Variants in PSMA1 observed in about 807,000 individuals in gnomAD.
PSMA1 encodes proteasome subunit alpha type-1.
In PSMA1, 3 loss-of-function variants were observed where a neutral mutation model predicts 38.4. That is an observed-to-expected ratio of 0.08 (90% CI 0.04 to 0.20). PSMA1 has a LOEUF of 0.20. PSMA1 is among the 10% of genes least tolerant of loss of function. The probability of loss-of-function intolerance (pLI) is 1.00; values close to 1 mark genes in which losing one functional copy is unlikely to be tolerated. For missense variants in PSMA1, 227 were observed against 325.3 expected (o/e 0.70, Z 2.32); for synonymous variants, 101 against 107.1 (o/e 0.94, Z 0.35).
intron 2 of PSMA1, among the ~76,000 whole-genome samples, chr11:14,603,317 G>A (rs1852606451): frequency 6.6e-6 from 1 of 152,138 alleles, no homozygotes; most frequent in African/African-American, 2.4e-5. Context: ...ATGAAATTTG[G>A]AACTTTGACT....
intron 2 of PSMA1, among the ~76,000 whole-genome samples, chr11:14,564,625 A>C (rs1852046743): frequency 6.6e-6 from 1 of 152,180 alleles, no homozygotes; most frequent in Non-Finnish European, 1.5e-5. Context: ...CCAAACTGTC[A>C]GAGTGGCTGT....
At chr11:14,508,619 A>G (rs1851290339) in intron 8 of PSMA1, among the ~76,000 whole-genome samples, 1 of 141,312 alleles carries the variant, frequency 7.1e-6, no homozygotes. Context: ...CTATGGGTAG[A>G]AATAGTTTTA....
chr11:14,523,644 G>A (rs1320530703), upstream of PSMA1, among the ~76,000 whole-genome samples: 1 of 147,820 alleles, frequency 6.8e-6, no homozygotes, highest in East Asian at 2.0e-4. Context: ...AGGCTGGAGT[G>A]CAATGGCACA....
chr11:14,586,045 A>T (rs1243265443), intron 2 of PSMA1, among the ~76,000 whole-genome samples: 1 of 152,218 alleles, frequency 6.6e-6, no homozygotes, highest in Non-Finnish European at 1.5e-5. Flanking sequence ...TTTATTATTC[A>T]TGCCTATCCA....
Position 14,584,426 on chromosome 11 carries a change from C to T in PSMA1, c.21+26540G>A, listed in dbSNP as rs115314877. ...GGAAGATACCACATTTAGCCTCTTC[C>T]GGATGGCTCAGAGGCATCAAAATAA... On this transcript the variant is annotated intron_variant, in intron 2 of 10. Coordinates refer to the PSMA1 transcript ENST00000418988. 6.8e-3 allele frequency among the ~76,000 whole-genome samples: 1,034 copies of T among 151,836 alleles called. 9 individuals are homozygous for T. Among genetic ancestry groups the T allele is most frequent in the African/African-American group, 0.024 (993 of 41,328 alleles).
In PSMA1 at chr11:14,507,646, G is replaced by A; in HGVS notation, c.735+10C>T. On this transcript the variant is annotated intron_variant, in intron 9 of 9. Transcript: ENST00000396394. ...ATAGAACTAAAGCCTCTTGTGTTATGATTATATACCTGTGCCTTTCTCTGT... is the reference window on the plus strand; with the variant it reads ...ATAGAACTAAAGCCTCTTGTGTTATAATTATATACCTGTGCCTTTCTCTGT... The A allele has an allele frequency of 6.5e-7, 1 of 1,545,510 alleles. No individual in the cohort carries two copies.
At chr11:14,584,507 G>GTTTTTTTTTTTTTTTT (rs58620375) in intron 2 of PSMA1, among the ~76,000 whole-genome samples, 6 of 124,778 alleles carry the variant, frequency 4.8e-5, no homozygotes, top group Middle Eastern at 4.5e-3. Context: ...TTTGTTTTTT[G>GTTTTTTTTTTTTTTTT]TTTTTTTTTT....
In PSMA1 at chr11:14,519,622, T is replaced by C. The variant is rs1244765237; in HGVS notation, c.4-581A>G. On this transcript the variant is annotated intron_variant, in intron 1 of 9. Transcript: ENST00000396394. ...AAAAATGTCCTCACAAAGTTAGAGG[T>C]GGACACAAATAGCTGCAGCGATAGA... Among the ~76,000 whole-genome samples the C allele has an allele frequency of 2.0e-5, 3 of 152,092 alleles. No individual in the cohort carries two copies. The East Asian group carries it at 5.8e-4, about 29-fold the overall frequency.
At chr11:14,615,705 G>C (rs1852763863) in intron 1 of PSMA1, among the ~76,000 whole-genome samples, 1 of 152,154 alleles carries the variant, frequency 6.6e-6, no homozygotes, top group Non-Finnish European at 1.5e-5. Context: ...TATGCCATCT[G>C]TTTCCTGTCC....
chr11:14,571,967 T>C (rs1038475489), intron 2 of PSMA1, among the ~76,000 whole-genome samples: 1 of 152,146 alleles, frequency 6.6e-6, no homozygotes, highest in Non-Finnish European at 1.5e-5. Flanking sequence ...GAGCTAACTA[T>C]CCTAAATATA....
intron 2 of PSMA1, among the ~76,000 whole-genome samples, chr11:14,572,469 G>T (rs982075690): frequency 2.0e-5 from 3 of 152,184 alleles, no homozygotes; most frequent in Non-Finnish European, 4.4e-5. Flanking sequence ...AAAACAGTGA[G>T]AACAGAGACA....
intron 1 of PSMA1, among the ~76,000 whole-genome samples, chr11:14,641,074 T>A (rs1853193404): frequency 6.6e-6 from 1 of 151,824 alleles, no homozygotes; most frequent in African/African-American, 2.4e-5. Context: ...AGGCACCTAA[T>A]GTAGATGACG....
At chr11:14,611,071 G>A in exon 2 of PSMA1, 4 of 1,408,512 alleles carry the variant, frequency 2.8e-6, no homozygotes, top group Non-Finnish European at 4.0e-6. Flanking sequence ...CCCAGCCTTG[G>A]AGGGCCAAGG....
chr11:14,637,755 G>C (rs1054380826), intron 1 of PSMA1, among the ~76,000 whole-genome samples: 3 of 152,130 alleles, frequency 2.0e-5, no homozygotes, highest in African/African-American at 7.2e-5. Flanking sequence ...ATAGTAATTA[G>C]AACAGAGGCA....
chr11:14,614,613 C>A (rs1852749071), intron 1 of PSMA1, among the ~76,000 whole-genome samples: 1 of 152,110 alleles, frequency 6.6e-6, no homozygotes, highest in East Asian at 1.9e-4. Flanking sequence ...TTAATAGTAC[C>A]ACCATCGATC....
chr11:14,543,421 T>C (rs1183496636), intron 2 of PSMA1, among the ~76,000 whole-genome samples: 2 of 152,186 alleles, frequency 1.3e-5, no homozygotes, highest in Non-Finnish European at 2.9e-5. Flanking sequence ...ATATAACTCA[T>C]ATAACCATAA....
At chr11:14,629,674 CT>C (rs1176027813) in intron 1 of PSMA1, among the ~76,000 whole-genome samples, 1 of 152,106 alleles carries the variant, frequency 6.6e-6, no homozygotes, top group Non-Finnish European at 1.5e-5. Context: ...TCCGTATGAA[CT>C]TTAAAGTAGT....
chr11:14,576,780 C>T (rs61883615), intron 2 of PSMA1, among the ~76,000 whole-genome samples: 7 of 152,068 alleles, frequency 4.6e-5, no homozygotes, highest in East Asian at 1.9e-4. Flanking sequence ...TTTGGTTCCA[C>T]GTGAACTTTA....
At chr11:14,518,733 A>C (rs114796665) in intron 2 of PSMA1, among the ~76,000 whole-genome samples, 2,528 of 152,042 alleles carry the variant, frequency 0.017, 41 homozygotes, top group African/African-American at 0.044. Context: ...TACTCTCTCT[A>C]TATATATATT....
Sources: gnomAD v4.1 joint callset for allele counts (sites outside exome capture counted in the v4.1 genomes callset) on GRCh38, gnomAD v4.1.1 for gene constraint, MANE v1.5 for transcripts, NCBI Gene and HGNC (gene_info 2026-07-23, HGNC 2026-07-21) for gene names.